FRMD5: variants seen among roughly 807,000 people sequenced by gnomAD.
FRMD5 encodes FERM domain containing 5, also known as FERM domain-containing protein 5.
FRMD5 carries 20 observed loss-of-function variants against 69.0 expected under a neutral mutation model. The ratio of observed to expected loss-of-function variants is 0.29; its 90% confidence interval spans 0.20 to 0.42. The LOEUF is 0.42. FRMD5 is among the 10% of genes least tolerant of loss of function. The pLI is 1.00. For missense variants in FRMD5, 595 were observed against 708.6 expected (o/e 0.84, Z 1.82); for synonymous variants, 271 against 260.1 (o/e 1.04, Z -0.40).
At chr15:43,919,866 CTTG>C in intron 2 of FRMD5, 57 bp from the exon 3 acceptor site, 1 of 1,494,198 alleles carries the variant, frequency 6.7e-7, no homozygotes, top group Non-Finnish European at 9.3e-7. Flanking sequence ...TAAAATATAA[CTTG>C]TTTTCTCCAA....
intron 1 of FRMD5, among the ~76,000 whole-genome samples, chr15:43,960,596 T>C (rs1360021021): frequency 1.4e-5 from 2 of 147,442 alleles, no homozygotes; most frequent in Non-Finnish European, 3.0e-5. Context: ...GTTGGTCAGG[T>C]TCGTCTCAAG....
intron 1 of FRMD5, among the ~76,000 whole-genome samples, chr15:43,999,855 A>G (rs1890098310): frequency 1.2e-5 from 1 of 82,984 alleles, no homozygotes; most frequent in African/African-American, 3.5e-5. Flanking sequence ...TATCTATATC[A>G]CAGATATATG....
chr15:43,925,596 T>C (rs996025298), intron 1 of FRMD5, among the ~76,000 whole-genome samples: 1 of 152,222 alleles, frequency 6.6e-6, no homozygotes, highest in Non-Finnish European at 1.5e-5. Context: ...TTTATGTTAC[T>C]CACTTCTCTT....
At chr15:44,152,401 C>T (rs1458026982) in intron 1 of FRMD5, among the ~76,000 whole-genome samples, 1 of 152,098 alleles carries the variant, frequency 6.6e-6, no homozygotes, top group Non-Finnish European at 1.5e-5. Context: ...ATAAATAAGC[C>T]ACAATTTGTT....
intron 4 of FRMD5, among the ~76,000 whole-genome samples, chr15:43,918,603 G>T (rs1350198562): frequency 6.6e-6 from 1 of 152,122 alleles, no homozygotes; most frequent in African/African-American, 2.4e-5. Context: ...CTTAGGGAAG[G>T]GGTTAGAGCT....
intron 1 of FRMD5, among the ~76,000 whole-genome samples, chr15:43,960,863 T>C (rs941836735): frequency 3.9e-5 from 6 of 152,078 alleles, no homozygotes; most frequent in African/African-American, 1.2e-4. Flanking sequence ...GTAGCAAAAG[T>C]AGACAAATTG....
intron 4 of FRMD5, 48 bp downstream of exon 4, chr15:43,919,411 A>G: frequency 1.3e-6 from 2 of 1,536,596 alleles, no homozygotes; most frequent in African/African-American, 1.4e-5. Flanking sequence ...CCCCTTTCCT[A>G]TGCTCTCCAA....
intron 1 of FRMD5, among the ~76,000 whole-genome samples, chr15:43,928,778 G>A (rs952245271): frequency 6.6e-6 from 1 of 152,186 alleles, no homozygotes; most frequent in Non-Finnish European, 1.5e-5. Context: ...TGAATGTTGT[G>A]CCATTGATTA....
chr15:43,885,636 G>A (rs2088644061), intron 11 of FRMD5, 45 bp downstream of exon 11: 1 of 1,494,844 alleles, frequency 6.7e-7, no homozygotes, highest in Non-Finnish European at 9.3e-7. Context: ...TCCAGAGAAG[G>A]GTCTGAAAAT....
chr15:44,102,498 G>A (rs1407979553), intron 1 of FRMD5, among the ~76,000 whole-genome samples: 1 of 152,198 alleles, frequency 6.6e-6, no homozygotes, highest in Non-Finnish European at 1.5e-5. Context: ...CAGGGCTGTG[G>A]AGAAATCAGG....
chr15:44,131,702 A>G (rs1157145699), intron 1 of FRMD5, among the ~76,000 whole-genome samples: 3 of 117,936 alleles, frequency 2.5e-5, no homozygotes, highest in Non-Finnish European at 5.9e-5. Context: ...AAAGAGAAAT[A>G]CTGAATAAAT....
chr15:43,892,321 C>A (rs1485294054), intron 7 of FRMD5, among the ~76,000 whole-genome samples: 1 of 152,220 alleles, frequency 6.6e-6, no homozygotes, highest in Admixed American at 6.5e-5. Context: ...TGATACCAAC[C>A]TTAGAAGGTT....
intron 1 of FRMD5, among the ~76,000 whole-genome samples, chr15:44,168,213 G>A (rs1196166420): frequency 1.3e-5 from 2 of 152,124 alleles, no homozygotes; most frequent in Admixed American, 6.6e-5. Context: ...ATGGACCACC[G>A]CATAGTTTAT....
intron 1 of FRMD5, among the ~76,000 whole-genome samples, chr15:44,061,090 C>A (rs1421052950): frequency 1.3e-5 from 2 of 152,120 alleles, no homozygotes; most frequent in Non-Finnish European, 2.9e-5. Context: ...TAAGGCAGTA[C>A]CCTCCTACAT....
intron 1 of FRMD5, among the ~76,000 whole-genome samples, chr15:44,079,244 T>C (rs1274205626): frequency 1.3e-5 from 2 of 151,878 alleles, no homozygotes; most frequent in Admixed American, 6.6e-5. Context: ...TGGATGACTA[T>C]TATCAAAAAA....
intron 1 of FRMD5, among the ~76,000 whole-genome samples, chr15:44,093,166 G>A (rs941139172): frequency 1.1e-4 from 16 of 151,864 alleles, no homozygotes; most frequent in Non-Finnish European, 2.1e-4. Context: ...TCTTAACCTC[G>A]TGATCCACCC....
At chr15:44,060,275 T>C (rs922570874) in intron 1 of FRMD5, among the ~76,000 whole-genome samples, 6 of 152,148 alleles carry the variant, frequency 3.9e-5, no homozygotes, top group Non-Finnish European at 7.3e-5. Context: ...GAAGACAGCA[T>C]GCAAAGAGTG....
intron 7 of FRMD5, among the ~76,000 whole-genome samples, chr15:43,900,064 AC>A (rs1188947441): frequency 2.6e-5 from 4 of 152,122 alleles, no homozygotes; most frequent in African/African-American, 9.7e-5. Context: ...CGCAGAGGTA[AC>A]CTGGCCCTTT....
At chr15:43,966,960 CAG>C (rs895216845) in intron 1 of FRMD5, among the ~76,000 whole-genome samples, 11 of 151,976 alleles carry the variant, frequency 7.2e-5, no homozygotes, top group Non-Finnish European at 1.5e-4. Flanking sequence ...ATCCCAGAAA[CAG>C]AGAAACAGAA....
Sources: allele counts gnomAD v4.1 joint callset (sites outside exome capture counted in the v4.1 genomes callset), GRCh38; gene constraint gnomAD v4.1.1; transcripts MANE v1.5; gene names NCBI Gene and HGNC (gene_info 2026-07-23, HGNC 2026-07-21).